ARK2C: variants seen among roughly 807,000 people sequenced by gnomAD.
The protein encoded by ARK2C is arkadia (RNF111) C-terminal like ring finger ubiquitin ligase 2C, also known as E3 ubiquitin-protein ligase ARK2C.
the ARK2C span, among the ~76,000 whole-genome samples, chr18:46,355,003 G>A: frequency 6.6e-6 from 1 of 152,162 alleles, no homozygotes; most frequent in Non-Finnish European, 1.5e-5. Context: ...AGGCTGGAGT[G>A]CAGTGGTACA....
At chr18:46,455,791 C>T in the ARK2C span, among the ~76,000 whole-genome samples, 36 of 152,250 alleles carry the variant, frequency 2.4e-4, no homozygotes, top group South Asian at 8.3e-4. Flanking sequence ...GCCAAGATCA[C>T]GCTATTGCAC....
At chr18:46,457,456 G>C in the ARK2C span, 1 of 153,982 alleles carries the variant, frequency 6.5e-6, no homozygotes, top group Admixed American at 6.5e-5. Context: ...CCTGGCCTCT[G>C]AGGGTTCAGC....
chr18:46,404,282 C>T, the ARK2C span, among the ~76,000 whole-genome samples: 1 of 152,172 alleles, frequency 6.6e-6, no homozygotes, highest in African/African-American at 2.4e-5. Flanking sequence ...TATGAGTATG[C>T]TGGATGGCTC....
At chr18:46,334,798 T>G in the ARK2C span, 1 of 201,930 alleles carries the variant, frequency 5.0e-6, no homozygotes, top group Non-Finnish European at 9.1e-6. This position sits in a 1 kb window ranked among gnomAD's most constrained non-coding sequence, Gnocchi z 4.4. Flanking sequence ...TGTTTTGTGT[T>G]ATGTGTGTTT....
chr18:46,358,386 A>G, the ARK2C span, among the ~76,000 whole-genome samples: 36 of 152,194 alleles, frequency 2.4e-4, no homozygotes, highest in African/African-American at 7.0e-4. Flanking sequence ...TACACAGCAC[A>G]CCCAGCCATA....
At chr18:46,338,542 G>A in the ARK2C span, among the ~76,000 whole-genome samples, 3 of 152,190 alleles carry the variant, frequency 2.0e-5, no homozygotes, top group African/African-American at 7.2e-5. Context: ...AGGTGGGGAA[G>A]GGGGAAGGGG....
the ARK2C span, among the ~76,000 whole-genome samples, chr18:46,344,817 A>G: frequency 6.6e-6 from 1 of 152,134 alleles, no homozygotes; most frequent in Non-Finnish European, 1.5e-5. Flanking sequence ...TGTGTCCCCA[A>G]CCTCTGTGCT....
the ARK2C span, chr18:46,385,650 G>C: frequency 6.6e-6 from 1 of 152,308 alleles, no homozygotes; most frequent in African/African-American, 2.4e-5. Flanking sequence ...AGAAGTGTCA[G>C]CTGTCCCCCT....
At chr18:46,458,930 A>C in the ARK2C span, 2 of 152,238 alleles carry the variant, frequency 1.3e-5, no homozygotes, top group Admixed American at 1.3e-4. Context: ...TCCAGGGCTA[A>C]AGGCTGGAGA....
chr18:46,453,401 T>C, the ARK2C span, among the ~76,000 whole-genome samples: 1 of 152,154 alleles, frequency 6.6e-6, no homozygotes, highest in Non-Finnish European at 1.5e-5. Flanking sequence ...ACGCCTCACC[T>C]GCTGTCACTT....
the ARK2C span, chr18:46,433,127 A>T: frequency 7.5e-7 from 1 of 1,336,782 alleles, no homozygotes; most frequent in Non-Finnish European, 1.0e-6. Flanking sequence ...GGTGGGCACA[A>T]GGGTCAGTGT....
the ARK2C span, among the ~76,000 whole-genome samples, chr18:46,432,748 G>C: frequency 6.6e-6 from 1 of 152,160 alleles, no homozygotes; most frequent in Non-Finnish European, 1.5e-5. Flanking sequence ...ACGAGGTCAA[G>C]AGATCGAGAC....
the ARK2C span, among the ~76,000 whole-genome samples, chr18:46,385,283 T>C: frequency 6.6e-6 from 1 of 152,220 alleles, no homozygotes; most frequent in South Asian, 2.1e-4. Context: ...ATGAGAGCTC[T>C]CCTGGGAGAT....
chr18:46,431,563 T>C, the ARK2C span, among the ~76,000 whole-genome samples: 1 of 152,228 alleles, frequency 6.6e-6, no homozygotes, highest in Non-Finnish European at 1.5e-5. Context: ...GGTAACAGTG[T>C]TTTTGGCACC....
the ARK2C span, among the ~76,000 whole-genome samples, chr18:46,430,395 T>A: frequency 1.3e-5 from 2 of 152,220 alleles, no homozygotes; most frequent in Non-Finnish European, 2.9e-5. Flanking sequence ...GAACCACCTC[T>A]TTGCTCTCAT....
At chr18:46,408,968 T>C in the ARK2C span, among the ~76,000 whole-genome samples, 1 of 152,204 alleles carries the variant, frequency 6.6e-6, no homozygotes, top group Non-Finnish European at 1.5e-5. Context: ...CATCTTCTAT[T>C]TAAAGTTTGT....
chr18:46,410,744 G>A, the ARK2C span, among the ~76,000 whole-genome samples: 1 of 152,192 alleles, frequency 6.6e-6, no homozygotes, highest in Non-Finnish European at 1.5e-5. Flanking sequence ...GACCAGGAGG[G>A]CCACTCATTC....
chr18:46,349,321 C>T, the ARK2C span, among the ~76,000 whole-genome samples: 5 of 152,144 alleles, frequency 3.3e-5, no homozygotes, highest in Non-Finnish European at 5.9e-5. Context: ...TCCTAGATGG[C>T]TGTTTTTTTG....
the ARK2C span, among the ~76,000 whole-genome samples, chr18:46,384,736 G>A: frequency 2.6e-5 from 4 of 152,276 alleles, no homozygotes; most frequent in Non-Finnish European, 5.9e-5. Context: ...GCCCATCATG[G>A]CCAAGCACAG....
Sources: allele counts gnomAD v4.1 joint callset (sites outside exome capture counted in the v4.1 genomes callset), GRCh38; gene constraint gnomAD v4.1.1; non-coding constraint Gnocchi (gnomAD v3.1); transcripts MANE v1.5; gene names NCBI Gene and HGNC (gene_info 2026-07-23, HGNC 2026-07-21).